The following ARHGEF4 variants were observed in gnomAD, a reference collection of about 807,000 sequenced individuals.
ARHGEF4 encodes Rho guanine nucleotide exchange factor 4, also known as APC-stimulated guanine nucleotide exchange factor 1.
Under a neutral mutation model 162.0 loss-of-function variants are expected in ARHGEF4, and 119 were observed. The ratio of observed to expected loss-of-function variants is 0.73; its 90% CI spans 0.63 to 0.86. The LOEUF is 0.86. ARHGEF4 is among the 40% of genes least tolerant of loss of function. The pLI is 0.00. For missense variants in ARHGEF4, 2,488 were observed against 2,456.0 expected (o/e 1.01, Z -0.28); for synonymous variants, 1,014 against 979.9 (o/e 1.03, Z -0.65).
chr2:130,893,474 A>G (rs988259115), intron 1 of ARHGEF4, among the ~76,000 whole-genome samples: 3 of 152,164 alleles, frequency 2.0e-5, no homozygotes, highest in Non-Finnish European at 1.5e-5. Context: ...CTGACTGTCA[A>G]CTGCCTTGGC....
chr2:130,962,108 G>A (rs559275284), intron 4 of ARHGEF4, among the ~76,000 whole-genome samples: 4 of 152,160 alleles, frequency 2.6e-5, no homozygotes, highest in East Asian at 1.9e-4. Context: ...GCATGGTGGC[G>A]CGTGCCTGTA....
chr2:130,894,436 G>A (rs1015419103), intron 1 of ARHGEF4, among the ~76,000 whole-genome samples: 1 of 152,062 alleles, frequency 6.6e-6, no homozygotes, highest in African/African-American at 2.4e-5. Flanking sequence ...ACTAAATCCA[G>A]TAGTCGCTTT....
chr2:130,997,809 T>G (rs959772607), intron 4 of ARHGEF4, among the ~76,000 whole-genome samples: 4 of 152,210 alleles, frequency 2.6e-5, no homozygotes, highest in African/African-American at 9.7e-5. Context: ...TCATGTTAGC[T>G]TATGTGCAAT....
chr2:130,872,446 C>G (rs573404382), intron 1 of ARHGEF4, among the ~76,000 whole-genome samples: 1 of 152,182 alleles, frequency 6.6e-6, no homozygotes, highest in African/African-American at 2.4e-5. Context: ...AAAGCAGGGT[C>G]CCCCCAGGCC....
At chr2:130,899,750 G>A (rs1273344831) in intron 1 of ARHGEF4, among the ~76,000 whole-genome samples, 2 of 152,170 alleles carry the variant, frequency 1.3e-5, no homozygotes, top group Admixed American at 1.3e-4. Flanking sequence ...CAGTGGGACA[G>A]AGAGGTGAGT....
intron 3 of ARHGEF4, among the ~76,000 whole-genome samples, chr2:130,933,249 T>C (rs1279148914): frequency 6.6e-6 from 1 of 151,700 alleles, no homozygotes; most frequent in Admixed American, 6.6e-5. Flanking sequence ...ACCTTAGATG[T>C]GTGGGTGTAT....
At chr2:131,000,148 C>A (rs1029657632) in intron 4 of ARHGEF4, among the ~76,000 whole-genome samples, 4 of 152,186 alleles carry the variant, frequency 2.6e-5, no homozygotes, top group African/African-American at 9.7e-5. Flanking sequence ...GAAGGTGTTT[C>A]TTGTAATGAA....
chr2:130,990,103 A>G (rs1032361421), intron 4 of ARHGEF4, among the ~76,000 whole-genome samples: 10 of 152,250 alleles, frequency 6.6e-5, no homozygotes, highest in African/African-American at 2.2e-4. Flanking sequence ...TGATCCCTGG[A>G]TAGTAACTGA....
At chr2:130,848,661 G>A (rs990697152) in intron 1 of ARHGEF4, among the ~76,000 whole-genome samples, 3 of 152,154 alleles carry the variant, frequency 2.0e-5, no homozygotes, top group Admixed American at 6.5e-5. Context: ...CTCCAGTGCC[G>A]GGCTTGGAGC....
At chr2:130,956,212 T>C (rs1389826137) in intron 4 of ARHGEF4, among the ~76,000 whole-genome samples, 4 of 152,128 alleles carry the variant, frequency 2.6e-5, no homozygotes, top group Non-Finnish European at 5.9e-5. Context: ...AAAAGACACA[T>C]GAAAAAATGC....
chr2:130,942,961 G>A (rs766665784), intron 3 of ARHGEF4, among the ~76,000 whole-genome samples: 11 of 152,016 alleles, frequency 7.2e-5, no homozygotes, highest in African/African-American at 2.4e-4. Context: ...AGTTCCAGTT[G>A]GTTGATGGTG....
Position 130,836,944 on chromosome 2 carries a change from G to A in ARHGEF4, c.-10G>A. The A allele has an allele frequency of 8.2e-7, 1 of 1,225,432 alleles. No individual in the cohort carries two copies. 75.9% of individuals were successfully genotyped at this position (1,225,432 alleles called of 1,614,324 possible). On this transcript the variant is annotated 5_prime_UTR_variant, in exon 1 of 14. Transcript: ENST00000409359. ...GCTGCGGCCGGGCTCCGGGCGTCCC[G>A]GCGGCCACCATGCTCAGCGTCGTGC...
At chr2:131,025,735 C>G (rs1476350956) in intron 4 of ARHGEF4, among the ~76,000 whole-genome samples, 1 of 152,176 alleles carries the variant, frequency 6.6e-6, no homozygotes, top group African/African-American at 2.4e-5. Context: ...GGAGTCAGAC[C>G]AACATAGTGT....
intron 4 of ARHGEF4, among the ~76,000 whole-genome samples, chr2:131,019,913 C>A (rs563185759): frequency 6.6e-6 from 1 of 152,294 alleles, no homozygotes; most frequent in East Asian, 1.9e-4. Flanking sequence ...GGATTACAGG[C>A]GTGAGCCACC....
Position 130,845,843 on chromosome 2 carries a change from G to A in ARHGEF4, c.39+8851G>A, listed in dbSNP as rs117346757. Among the ~76,000 whole-genome samples the A allele has an allele frequency of 5.9e-5, 9 of 152,346 alleles. No homozygotes were observed. In the East Asian group the frequency reaches 9.7e-4, roughly 16 times the overall value. On this transcript the variant is annotated intron_variant, in intron 1 of 13. Transcript: ENST00000409359. ...CTCCAGGGAACCAGGCCCAGTGGCA[G>A]AAGCCAGACCTACGGTGTGATCCCA...
At chr2:130,860,536 G>A (rs1415475282) in intron 1 of ARHGEF4, among the ~76,000 whole-genome samples, 1 of 91,624 alleles carries the variant, frequency 1.1e-5, no homozygotes, top group African/African-American at 6.8e-5. Flanking sequence ...GTGAAACCCC[G>A]TCTCTACTAA....
At chr2:131,039,902 G>C (rs1361724392) in intron 6 of ARHGEF4, 114 bp from the exon 7 acceptor site, 2 of 1,460,834 alleles carry the variant, frequency 1.4e-6, no homozygotes, top group East Asian at 5.0e-5. Context: ...CCTCAGCCCT[G>C]CGCCCCGTAC....
chr2:130,931,922 A>T (rs1170013662), intron 3 of ARHGEF4, among the ~76,000 whole-genome samples: 1 of 152,234 alleles, frequency 6.6e-6, no homozygotes, highest in Non-Finnish European at 1.5e-5. Context: ...ACTGAGGTGA[A>T]ATTCACATAA....
chr2:130,935,990 G>C (rs192216243), intron 3 of ARHGEF4, among the ~76,000 whole-genome samples: 7 of 152,120 alleles, frequency 4.6e-5, no homozygotes, highest in Admixed American at 3.3e-4. Context: ...GCTTGAAACC[G>C]GGAGGCAGAG....
Sources: gnomAD v4.1 joint callset for allele counts (sites outside exome capture counted in the v4.1 genomes callset) on GRCh38, gnomAD v4.1.1 for gene constraint, MANE v1.5 for transcripts, NCBI Gene and HGNC (gene_info 2026-07-23, HGNC 2026-07-21) for gene names.